Variants in ERICH3 observed in about 807,000 individuals in gnomAD.
ERICH3 encodes glutamate rich 3, also known as glutamate-rich protein 3.
In ERICH3, 126 loss-of-function variants were observed where a neutral mutation model predicts 131.1. The observed-to-expected ratio is 0.96, with a 90% CI of 0.83 to 1.11. ERICH3 has a LOEUF of 1.11. Among genes scored for constraint, ERICH3 ranks in the 50% most tolerant of loss-of-function variants. ERICH3 has a pLI of 0.00. For missense variants in ERICH3, 2,050 were observed against 1,810.7 expected (o/e 1.13, Z -2.40); for synonymous variants, 695 against 644.6 (o/e 1.08, Z -1.18).
In ERICH3 at chr1:74,576,951, A is replaced by G. The variant is rs187947555; in HGVS notation, c.2177-15T>C. On this transcript the variant is annotated splice_polypyrimidine_tract_variant and intron_variant, in intron 12 of 14. Transcript: ENST00000326665. ...TGAATCCTTTCCTAGTTAAAAAAAA[A>G]AAAAAGAAAAAAAAGGTCAAATGAA... is the stretch of plus-strand genomic sequence containing the variant. 3.1e-6 allele frequency: 5 copies of G among 1,588,518 alleles called. No homozygotes were observed. In the East Asian group the frequency reaches 1.1e-4, roughly 36 times the overall value.
Position 74,571,402 on chromosome 1 carries a change from G to A in ERICH3, c.4308C>T (p.Ala1436=), listed in dbSNP as rs912108753. 8 of 1,613,768 alleles carry A rather than the reference G, an allele frequency of 5.0e-6. No homozygotes were observed. The highest frequency in any genetic ancestry group is 8.5e-7 in the Non-Finnish European group (1 of 1,179,952). The change falls in exon 14 of 15, where the codon GCC becomes GCT. Residue 1436 remains alanine, a synonymous_variant. Coordinates refer to ENST00000326665, the MANE Select transcript of ERICH3 (RefSeq NM_001002912.5). ...TTEAGVGTPG[A]LERKTSGLGQ... ...CTAGCCCTGAGGTCTTCCGCTCCAG[G>A]GCTCCTGGAGTGCCCACCCCAGCCT...
rs533537276 is a variant in ERICH3 at position 74,572,994 on chromosome 1, T to C, written c.2716A>G (p.Asn906Asp). The C allele has an allele frequency of 2.6e-4, 426 of 1,614,136 alleles. 5 individuals are homozygous for C. In the South Asian group the frequency reaches 4.3e-3, roughly 16 times the overall value. The stretch of plus-strand genomic sequence containing the variant: ...TCCAAGTTCAGGGCTGCTGCTTCAT[T>C]TGCAAGCACTGCCTTCTCTAAACCC... ...EQGLEKAVLA[N>D]EAAALNLEHL... The change falls in exon 14 of 15, where the codon AAT becomes GAT. Residue 906 changes from asparagine (N) to aspartate (D), a missense_variant. Physicochemically the swap from Asn to Asp is conservative, Grantham distance 23. Transcript: ENST00000326665.
intron 3 of ERICH3, among the ~76,000 whole-genome samples, chr1:74,646,224 T>A (rs1339423497): frequency 6.6e-6 from 1 of 152,054 alleles, no homozygotes; most frequent in Non-Finnish European, 1.5e-5. Context: ...CTTAAAAGAA[T>A]AACAGATCTG....
chr1:74,597,801 C>G (rs1647925486), intron 11 of ERICH3, among the ~76,000 whole-genome samples: 1 of 151,906 alleles, frequency 6.6e-6, no homozygotes, highest in Admixed American at 6.6e-5. Flanking sequence ...CTAAATCTAA[C>G]ATTGAGATTG....
chr1:74,672,781 C>CTT (rs200023621), intron 1 of ERICH3, among the ~76,000 whole-genome samples: 98 of 146,750 alleles, frequency 6.7e-4, no homozygotes, highest in African/African-American at 2.1e-3. Flanking sequence ...AAAAAAGAAA[C>CTT]TTTTTTTTTT....
rs1201857784 is a variant in ERICH3, at chr1:74,589,731, A to G, written c.2076T>C (p.Val692=). 2 of 1,613,944 alleles carry G rather than the reference A, an allele frequency of 1.2e-6. No homozygotes were observed. The highest frequency in any genetic ancestry group is 1.7e-6 in the Non-Finnish European group (2 of 1,179,980). ...TATCCTTTTCCTTTTCTTCTGCAGAAACATGTTTCCCGGACTTCTCAGATA... is the reference window on the plus strand; with the variant it reads ...TATCCTTTTCCTTTTCTTCTGCAGAGACATGTTTCCCGGACTTCTCAGATA... The part of the protein sequence containing the change: ...EGLSEKSGKH[V]SAEEKEKDKS... The change falls in exon 12 of 15, where the codon GTT becomes GTC. Residue 692 remains valine, a synonymous_variant. Transcript: ENST00000326665.
chr1:74,646,320 G>A (rs1010841569), intron 3 of ERICH3, among the ~76,000 whole-genome samples: 1 of 152,020 alleles, frequency 6.6e-6, no homozygotes, highest in African/African-American at 2.4e-5. Context: ...GATGGTGAGG[G>A]CTGGTATGTT....
intron 1 of ERICH3, 86 bp downstream of exon 1, chr1:74,673,411 T>C (rs1275227759): frequency 3.9e-6 from 6 of 1,538,228 alleles, no homozygotes; most frequent in Non-Finnish European, 5.4e-6. Context: ...TCTCGCCCCT[T>C]CCCTCCGCAG....
In ERICH3 at chr1:74,606,602, A is replaced by G; in HGVS notation, c.1488T>C (p.Tyr496=). 2 of 1,598,228 alleles carry G rather than the reference A, an allele frequency of 1.3e-6. No individual in the cohort carries two copies. Among genetic ancestry groups the G allele is most frequent in the African/African-American group, 1.4e-5 (1 of 74,000 alleles). ...LEDDQENTLK[Y]EYEEDFEVDE... is the part of the protein sequence containing the mutation. ...AAAGAAACTTGTGTTGTTGATTACC[A>G]TATTTTAAAGTATTTTCCTGGTCGT... Residue 496 remains tyrosine, a splice_region_variant and synonymous_variant, in exon 10 of 15, where the codon TAT becomes TAC. Transcript: ENST00000326665.
chr1:74,619,328 A>G (rs574639223), intron 8 of ERICH3, among the ~76,000 whole-genome samples: 3 of 152,320 alleles, frequency 2.0e-5, no homozygotes, highest in East Asian at 3.9e-4. Context: ...GATGTTTTAT[A>G]TGCATTTTGT....
chr1:74,658,832 C>T (rs1201719821), intron 1 of ERICH3, among the ~76,000 whole-genome samples: 1 of 152,146 alleles, frequency 6.6e-6, no homozygotes, highest in Admixed American at 6.6e-5. Flanking sequence ...AAGTTGTTTA[C>T]TCACTATTAA....
intron 4 of ERICH3, among the ~76,000 whole-genome samples, chr1:74,641,747 G>C (rs1036608053): frequency 6.6e-6 from 1 of 151,956 alleles, no homozygotes; most frequent in Non-Finnish European, 1.5e-5. Context: ...TTACTACTGC[G>C]ATCAGTAGAC....
chr1:74,616,070 C>T (rs1246985591), intron 8 of ERICH3, among the ~76,000 whole-genome samples: 2 of 152,026 alleles, frequency 1.3e-5, no homozygotes, highest in African/African-American at 2.4e-5. Flanking sequence ...GATGCAATCT[C>T]GGCTCACTGC....
intron 3 of ERICH3, among the ~76,000 whole-genome samples, chr1:74,645,176 C>T (rs1468794408): frequency 2.0e-5 from 3 of 152,096 alleles, no homozygotes; most frequent in Non-Finnish European, 2.9e-5. Flanking sequence ...ATTCGTTCCT[C>T]TCTTCTAGCA....
chr1:74,644,674 C>T lies in ERICH3; in HGVS notation c.244-1576G>A, dbSNP rs112521956. On this transcript the variant is annotated intron_variant, in intron 3 of 14. Transcript: ENST00000326665. The stretch of plus-strand genomic sequence containing the variant: ...TCTCCCACTTCAGCTTCTCTGTAGA[C>T]AGCTGCGTCTCCCAGCATTACCACT... Among the ~76,000 whole-genome samples, 214 of 152,170 alleles carry T rather than the reference C, an allele frequency of 1.4e-3. 1 individual carries two copies. The highest frequency in any genetic ancestry group is 4.9e-3 in the African/African-American group (202 of 41,552).
chr1:74,620,772 T>C lies in ERICH3; in HGVS notation c.962A>G (p.Glu321Gly), dbSNP rs867552975. ...TTTGCCTTTGTAGACACAAAGGTTT[T>C]CCCCACCACAGTGCTGCTGATAAAC... ...IKVYQQHCGG[E>G]NLCVYKGKLL... The change falls in exon 8 of 15, where the codon GAA (glutamate) becomes GGA (glycine). Residue 321 changes from glutamate to glycine, a missense_variant. Transcript: ENST00000326665. The C allele has an allele frequency of 1.2e-6, 2 of 1,610,864 alleles. No individual in the cohort carries two copies. The highest frequency in any genetic ancestry group is 2.2e-5 in the East Asian group (1 of 44,756).
chr1:74,627,933 T>G (rs1570889095), intron 7 of ERICH3, among the ~76,000 whole-genome samples: 1 of 152,242 alleles, frequency 6.6e-6, no homozygotes, highest in East Asian at 1.9e-4. Flanking sequence ...TTATGAAAAC[T>G]TACACATACT....
chr1:74,605,807 T>C (rs918179568), intron 10 of ERICH3, among the ~76,000 whole-genome samples: 13 of 151,780 alleles, frequency 8.6e-5, no homozygotes, highest in Admixed American at 2.0e-4. Flanking sequence ...GTTAGAAATA[T>C]TGAGAAAATT....
At chr1:74,597,134 A>C (rs1455148512) in intron 11 of ERICH3, among the ~76,000 whole-genome samples, 1 of 152,104 alleles carries the variant, frequency 6.6e-6, no homozygotes, top group East Asian at 1.9e-4. Flanking sequence ...CTGGCTTTTC[A>C]ACAGAGTATT....
Sources: gnomAD v4.1 joint callset for allele counts (sites outside exome capture counted in the v4.1 genomes callset) on GRCh38, gnomAD v4.1.1 for gene constraint, MANE v1.5 for transcripts, NCBI Gene and HGNC (gene_info 2026-07-23, HGNC 2026-07-21) for gene names.